Variants in MRPL19 observed in about 807,000 individuals in gnomAD.
MRPL19 encodes the protein mitochondrial ribosomal protein L19.
A neutral mutation model predicts 34.0 loss-of-function variants in MRPL19; 31 were observed. That is an observed-to-expected ratio of 0.91 (90% confidence interval 0.68 to 1.23). The LOEUF is 1.23. Ranked by LOEUF, MRPL19 falls within the 50% of genes most tolerant of loss-of-function variation. MRPL19 has a pLI of 0.00. For missense variants in MRPL19, 384 were observed against 367.6 expected, an observed-to-expected ratio of 1.04 and a Z score of -0.37; for synonymous variants, 152 against 127.7, an observed-to-expected ratio of 1.19 and a Z score of -1.28.
chr2:75,655,159 A>G lies in MRPL19; in HGVS notation c.753A>G (p.Glu251=), dbSNP rs1678418594. The change falls in exon 6 of 6, where the codon GAA becomes GAG. Residue 251 remains glutamate, a synonymous_variant. Transcript: ENST00000393909. ...KGIRFDLCLT[E]QQMKEAQKWN... Reference sequence around the variant, plus strand: ...TCAGATTTGATCTTTGTTTAACTGAACAGCAAATGAAAGAAGCTCAGAAGT... The same window carrying G: ...TCAGATTTGATCTTTGTTTAACTGAGCAGCAAATGAAAGAAGCTCAGAAGT... The G allele has an allele frequency of 1.2e-6, 2 of 1,613,078 alleles. No individual in the cohort carries two copies. Among genetic ancestry groups the G allele is most frequent in the Non-Finnish European group, 1.7e-6 (2 of 1,179,448 alleles).
chr2:75,660,924 GGTT>G lies in MRPL19; in HGVS notation c.*5640_*5642del, dbSNP rs1225426226. The G allele has an allele frequency of 2.0e-5, 3 of 152,146 alleles. No homozygotes were observed. The highest frequency in any genetic ancestry group is 7.2e-5 in the African/African-American group (3 of 41,440). 9.4% of individuals were successfully genotyped at this position (152,146 alleles called of 1,614,324 possible). On this transcript the variant is annotated 3_prime_UTR_variant, in exon 6 of 6. Transcript: ENST00000393909. ...CAGCTTTTTCTCACAGAACATAGAT[GGTT>G]TTTTGGATATCTTGACCATAGTCTT...
rs1678352855 is a variant in MRPL19, at chr2:75,652,455, CTTATAT to C, written c.341-67_341-62del. On this transcript the variant is annotated intron_variant, in intron 3 of 5. Transcript: ENST00000393909. ...AAATGCTATTTGTTTGTTTCTGCAT[CTTATAT>C]AAAGTTTACTTCTCAGCTGGGTGTG... The C allele has an allele frequency of 1.9e-6, 3 of 1,541,846 alleles. No homozygotes were observed. In the African/African-American group the frequency reaches 4.2e-5, roughly 21 times the overall value.
chr2:75,646,971 G>T, intron 1 of MRPL19, 61 bp downstream of exon 1: 1 of 1,497,144 alleles, frequency 6.7e-7, no homozygotes, highest in East Asian at 2.4e-5. Context: ...GGATGGGGGA[G>T]GCGAACCTGG....
Position 75,655,211 on chromosome 2 carries a change from A to G in MRPL19, c.805A>G (p.Met269Val), listed in dbSNP as rs768459107. Residue 269 changes from methionine to valine, a missense_variant, in exon 6 of 6, where the codon ATG becomes GTG. Physicochemically the swap from Met to Val is conservative, Grantham distance 21. Coordinates refer to ENST00000393909, the MANE Select transcript of MRPL19 (RefSeq NM_014763.4). ...KWNQPWLEFD[M>V]MREYDTSKIE... Reference sequence around the variant, plus strand: ...GAATCAGCCATGGCTTGAATTTGATATGATGAGGGAATATGATACTTCAAA... The same window carrying G: ...GAATCAGCCATGGCTTGAATTTGATGTGATGAGGGAATATGATACTTCAAA... 10 of 1,613,594 alleles carry G rather than the reference A, an allele frequency of 6.2e-6. No homozygotes were observed. The highest frequency in any genetic ancestry group is 2.5e-6 in the Non-Finnish European group (3 of 1,179,818).
rs962427554 is a variant in MRPL19, at chr2:75,656,805, G to A, written c.*1520G>A. On this transcript the variant is annotated 3_prime_UTR_variant, in exon 6 of 6. Transcript: ENST00000393909. ...TAGTAACTCATTTCTGTCAGTTCTGGGAAACACTTAGCATTGGTTGATGAT... is the reference window on the plus strand; with the variant it reads ...TAGTAACTCATTTCTGTCAGTTCTGAGAAACACTTAGCATTGGTTGATGAT... The A allele has an allele frequency of 9.9e-5, 15 of 151,900 alleles. No individual in the cohort carries two copies. Among genetic ancestry groups the A allele is most frequent in the African/African-American group, 3.4e-4 (14 of 41,346 alleles). 9.4% of individuals were successfully genotyped at this position (151,900 alleles called of 1,614,324 possible). A position where few individuals can be genotyped will look rare whatever the true frequency, so the allele number is the denominator to read the frequency against.
intron 2 of MRPL19, among the ~76,000 whole-genome samples, chr2:75,649,934 C>T (rs1457931365): frequency 6.6e-6 from 1 of 152,108 alleles, no homozygotes; most frequent in African/African-American, 2.4e-5. Context: ...ACCTGGCTGA[C>T]ATTTTCAAAT....
rs1678495695 is a variant in MRPL19 at position 75,657,771 on chromosome 2, G to T, written c.*2486G>T. On this transcript the variant is annotated 3_prime_UTR_variant, in exon 6 of 6. Coordinates refer to ENST00000393909, the MANE Select transcript of MRPL19 (RefSeq NM_014763.4). ...TGTAAACAATCATGCTTTTTACTCT[G>T]TAGGAATATCTTTAAAATTCTTGTG... 1 of 151,838 alleles carries T rather than the reference G, an allele frequency of 6.6e-6. No individual in the cohort carries two copies. The highest frequency in any genetic ancestry group is 2.1e-4 in the South Asian group (1 of 4,826). 9.4% of individuals were successfully genotyped at this position (151,838 alleles called of 1,614,324 possible).
chr2:75,660,333 G>T lies in MRPL19; in HGVS notation c.*5048G>T, dbSNP rs1158630423. 6.6e-6 allele frequency: 1 copy of T among 151,986 alleles called. No individual in the cohort carries two copies. The highest frequency in any genetic ancestry group is 1.5e-5 in the Non-Finnish European group (1 of 67,988). The allele number at this position is 151,986 out of a possible 1,614,324, so 9.4% of individuals were successfully genotyped here. A position where few individuals can be genotyped will look rare whatever the true frequency, so the allele number is the denominator to read the frequency against. On this transcript the variant is annotated 3_prime_UTR_variant, in exon 6 of 6. Transcript: ENST00000393909. ...GACAATTGTTTAAAGTCTTTGCATA[G>T]TAAGTCCAATGTCTGTGTTTCTTCA... is the stretch of plus-strand genomic sequence containing the variant.
intron 2 of MRPL19, chr2:75,651,491 C>T (rs1031092913): frequency 4.0e-5 from 21 of 522,874 alleles, no homozygotes; most frequent in Admixed American, 3.1e-4. Flanking sequence ...TATACCATCT[C>T]AGTTACTCTT....
rs2104141600 is a variant in MRPL19 at position 75,657,738 on chromosome 2, CA to C, written c.*2458del. 1 of 152,068 alleles carries C rather than the reference CA, an allele frequency of 6.6e-6. No individual in the cohort carries two copies. Among genetic ancestry groups the C allele is most frequent in the African/African-American group, 2.4e-5 (1 of 41,492 alleles). 9.4% of individuals were successfully genotyped at this position (152,068 alleles called of 1,614,324 possible). On this transcript the variant is annotated 3_prime_UTR_variant, in exon 6 of 6. Transcript: ENST00000393909. ...TGATCAGCTTGTAAGTACAGGTGCT[CA>C]AAAACATGTAAACAATCATGCTTTT...
chr2:75,650,294 GATT>G (rs1678305111), intron 2 of MRPL19, among the ~76,000 whole-genome samples: 3 of 152,032 alleles, frequency 2.0e-5, no homozygotes, highest in African/African-American at 4.8e-5. Flanking sequence ...AAAAAAAGAA[GATT>G]ATTATTTTTT....
At position 75,656,473 on chromosome 2, in the gene MRPL19, A is replaced by C. The variant is rs1294260596; in HGVS notation, c.*1188A>C. The C allele has an allele frequency of 6.6e-6, 1 of 152,028 alleles. No individual in the cohort carries two copies. The highest frequency in any genetic ancestry group is 1.5e-5 in the Non-Finnish European group (1 of 68,004). 9.4% of individuals were successfully genotyped at this position (152,028 alleles called of 1,614,324 possible). A position where few individuals can be genotyped will look rare whatever the true frequency, so the allele number is the denominator to read the frequency against. On this transcript the variant is annotated 3_prime_UTR_variant, in exon 6 of 6. Transcript: ENST00000393909. Reference sequence around the variant, plus strand: ...CTGTTTTCTGGATTCCATGTTTTCCATTTTATTGAGTACTAACTTGTTTTG... The same window carrying C: ...CTGTTTTCTGGATTCCATGTTTTCCCTTTTATTGAGTACTAACTTGTTTTG...
At chr2:75,653,297 T>G (rs1678369983) in intron 4 of MRPL19, among the ~76,000 whole-genome samples, 1 of 152,246 alleles carries the variant, frequency 6.6e-6, no homozygotes, top group South Asian at 2.1e-4. Context: ...GTTGCTGTCT[T>G]GCTTATTCTG....
At chr2:75,651,719 T>C (rs1678336667) in intron 2 of MRPL19, 1 of 295,916 alleles carries the variant, frequency 3.4e-6, no homozygotes, top group Admixed American at 4.3e-5. Context: ...TTATAGCATG[T>C]ATAGCTCAGT....
chr2:75,661,493 A>G lies in MRPL19; in HGVS notation c.*6208A>G, dbSNP rs1678619734. 1.3e-5 allele frequency: 2 copies of G among 152,060 alleles called. No individual in the cohort carries two copies. Among genetic ancestry groups the G allele is most frequent in the Admixed American group, 6.6e-5 (1 of 15,262 alleles). The allele number at this position is 152,060 out of a possible 1,614,324, so 9.4% of individuals were successfully genotyped here. A position where few individuals can be genotyped will look rare whatever the true frequency, so the allele number is the denominator to read the frequency against. ...TGTTTTTCAATGTGCCTACTCCACC[A>G]TGTTGCTCAAGTATGTATATTTTCT... On this transcript the variant is annotated 3_prime_UTR_variant, in exon 6 of 6. Transcript: ENST00000393909.
rs554689784 is a variant in MRPL19, at chr2:75,657,127, A to G, written c.*1842A>G. 45 of 151,568 alleles carry G rather than the reference A, an allele frequency of 3.0e-4. No individual in the cohort carries two copies. The highest frequency in any genetic ancestry group is 1.1e-3 in the African/African-American group (45 of 41,324). 9.4% of individuals were successfully genotyped at this position (151,568 alleles called of 1,614,324 possible). ...TTGTTTGCGCATCTATTTCCTCCAA[A>G]TTTCTTTCTGTATTTATTTTTTGTT... On this transcript the variant is annotated 3_prime_UTR_variant, in exon 6 of 6. Transcript: ENST00000393909.
At chr2:75,647,353 C>A in intron 2 of MRPL19, 134 bp downstream of exon 2, 1 of 753,238 alleles carries the variant, frequency 1.3e-6, no homozygotes, top group Non-Finnish European at 2.1e-6. Context: ...ATTCAAGAGC[C>A]AGCGCACCAC....
intron 2 of MRPL19, 155 bp downstream of exon 2, chr2:75,647,374 C>A: frequency 1.5e-6 from 1 of 669,128 alleles, no homozygotes; most frequent in Non-Finnish European, 2.5e-6. Flanking sequence ...ACTGTTCTTT[C>A]TTTCTCACTT....
At chr2:75,648,795 G>A (rs1678271614) in intron 2 of MRPL19, among the ~76,000 whole-genome samples, 1 of 152,170 alleles carries the variant, frequency 6.6e-6, no homozygotes, top group African/African-American at 2.4e-5. Flanking sequence ...CTTGAACACA[G>A]GATGCCGAGG....
Sources: gnomAD v4.1 joint callset for allele counts (sites outside exome capture counted in the v4.1 genomes callset) on GRCh38, gnomAD v4.1.1 for gene constraint, MANE v1.5 for transcripts, NCBI Gene and HGNC (gene_info 2026-07-23, HGNC 2026-07-21) for gene names.